Variants in USH2A observed in about 807,000 individuals in gnomAD.
The protein encoded by USH2A is Usher syndrome 2A (autosomal recessive, mild).
Under a neutral mutation model 538.9 loss-of-function variants are expected in USH2A, and 443 were observed. The observed-to-expected ratio is 0.82, with a 90% CI of 0.76 to 0.89. The LOEUF (loss-of-function observed/expected upper bound fraction) is 0.89, where lower values mean the gene tolerates loss of function less well. Ranked by LOEUF, USH2A falls within the 40% of genes least tolerant of loss-of-function variation. The pLI, the probability that USH2A is intolerant of heterozygous loss-of-function variation, is 0.00. For synonymous variants in USH2A, 2,413 were observed against 2,273.5 expected (o/e 1.06, Z -1.75); for missense variants, 6,633 against 6,324.8 (o/e 1.05, Z -1.65).
At chr1:216,133,618 G>A (rs1031486518) in intron 21 of USH2A, among the ~76,000 whole-genome samples, 7 of 151,998 alleles carry the variant, frequency 4.6e-5, no homozygotes, top group African/African-American at 1.7e-4. Context: ...ATTTAGCTCC[G>A]ACATGGAAAT....
At chr1:215,708,541 G>C (rs1031713828) in intron 61 of USH2A, among the ~76,000 whole-genome samples, 1 of 152,190 alleles carries the variant, frequency 6.6e-6, no homozygotes, top group African/African-American at 2.4e-5. Flanking sequence ...TCCATGGAAG[G>C]GGGAGGTGGG....
At chr1:216,167,193 T>C (rs962582082) in intron 21 of USH2A, among the ~76,000 whole-genome samples, 1 of 152,076 alleles carries the variant, frequency 6.6e-6, no homozygotes, top group Non-Finnish European at 1.5e-5. Context: ...AGTGTTACAG[T>C]TGGCAGTTAG....
intron 58 of USH2A, among the ~76,000 whole-genome samples, chr1:215,756,710 A>C (rs1660804087): frequency 6.6e-6 from 1 of 152,004 alleles, no homozygotes; most frequent in Non-Finnish European, 1.5e-5. Context: ...CGGATCATGA[A>C]GTCAGGAGTT....
chr1:216,351,120 G>C (rs2038275496), intron 4 of USH2A, among the ~76,000 whole-genome samples: 1 of 152,022 alleles, frequency 6.6e-6, no homozygotes, highest in South Asian at 2.1e-4. Context: ...CTGGATCCTG[G>C]GGTATATCAG....
chr1:215,721,129 C>T (rs1659644673), intron 61 of USH2A, among the ~76,000 whole-genome samples: 2 of 152,082 alleles, frequency 1.3e-5, no homozygotes, highest in South Asian at 4.1e-4. Flanking sequence ...GGCTGGAATG[C>T]AATGGTGCAA....
intron 21 of USH2A, among the ~76,000 whole-genome samples, chr1:216,104,614 C>G (rs1310277554): frequency 6.6e-6 from 1 of 152,024 alleles, no homozygotes; most frequent in Non-Finnish European, 1.5e-5. Context: ...AACTGGCTAG[C>G]CATATGTAGA....
intron 48 of USH2A, 92 bp downstream of exon 48, chr1:215,816,905 T>A: frequency 7.6e-7 from 1 of 1,320,198 alleles, no homozygotes; most frequent in Non-Finnish European, 1.1e-6. Context: ...GAAATATTGA[T>A]CATAATACAT....
intron 35 of USH2A, among the ~76,000 whole-genome samples, chr1:215,983,222 A>G (rs1009342620): frequency 2.6e-5 from 4 of 152,158 alleles, no homozygotes; most frequent in African/African-American, 9.7e-5. Context: ...TCAGCCTCCC[A>G]AAGTGCTGGA....
chr1:215,672,134 G>T (rs544583784), intron 63 of USH2A, among the ~76,000 whole-genome samples: 2 of 152,248 alleles, frequency 1.3e-5, no homozygotes, highest in South Asian at 2.1e-4. Flanking sequence ...CCAACAAAAT[G>T]AGTTTTTGTG....
intron 61 of USH2A, among the ~76,000 whole-genome samples, chr1:215,694,522 G>A (rs553324455): frequency 4.1e-4 from 62 of 152,264 alleles, no homozygotes; most frequent in African/African-American, 1.5e-3. Context: ...ACGGTTAGCC[G>A]AGATCACGCC....
chr1:216,114,242 G>A (rs1184461226), intron 21 of USH2A, among the ~76,000 whole-genome samples: 2 of 151,646 alleles, frequency 1.3e-5, no homozygotes, highest in East Asian at 1.9e-4. Flanking sequence ...CCATCTTATT[G>A]TACTTCTGTT....
At chr1:215,977,172 C>A (rs1187292906) in intron 35 of USH2A, among the ~76,000 whole-genome samples, 2 of 151,842 alleles carry the variant, frequency 1.3e-5, no homozygotes, top group Admixed American at 6.6e-5. Context: ...GAAATTAAAA[C>A]CCTTAACAGA....
chr1:216,326,146 G>T (rs1470801104), intron 5 of USH2A, among the ~76,000 whole-genome samples: 1 of 152,204 alleles, frequency 6.6e-6, no homozygotes, highest in Non-Finnish European at 1.5e-5. Flanking sequence ...ATCCTGTAAT[G>T]CTTCATTGGC....
At chr1:215,697,290 T>C (rs1658848995) in intron 61 of USH2A, among the ~76,000 whole-genome samples, 1 of 152,150 alleles carries the variant, frequency 6.6e-6, no homozygotes, top group East Asian at 1.9e-4. Context: ...GACGATAACA[T>C]GGCTAAAGAT....
intron 35 of USH2A, among the ~76,000 whole-genome samples, chr1:215,971,558 C>T (rs1667495137): frequency 6.6e-6 from 1 of 152,006 alleles, no homozygotes; most frequent in Non-Finnish European, 1.5e-5. Context: ...AAGTTCAAGA[C>T]CAGCCTGGGC....
chr1:215,863,117 G>A (rs1664364176), intron 44 of USH2A, among the ~76,000 whole-genome samples: 1 of 152,150 alleles, frequency 6.6e-6, no homozygotes, highest in African/African-American at 2.4e-5. Context: ...ATTATAGTCA[G>A]TAAGGGATCA....
Position 215,674,224 on chromosome 1 carries a change from T to C in USH2A, c.13687A>G (p.Ile4563Val), listed in dbSNP as rs1657917280. ...TCACGGATGAAGAGGGTATAATTGA[T>C]GATATCACCATTTGTTCTCACTGGA... is the stretch of plus-strand genomic sequence containing the variant. Reference protein sequence around the residue: ...DPPVRTNGDIINYTLFIRELF... With the variant: ...DPPVRTNGDIVNYTLFIRELF... The change falls in exon 63 of 72, where the codon ATC (isoleucine) becomes GTC (valine). Residue 4563 changes from isoleucine to valine, a missense_variant. Coordinates refer to ENST00000307340, the MANE Select transcript of USH2A (RefSeq NM_206933.4). The C allele has an allele frequency of 6.2e-7, 1 of 1,614,168 alleles. No individual in the cohort carries two copies. Among genetic ancestry groups the C allele is most frequent in the Non-Finnish European group, 8.5e-7 (1 of 1,180,014 alleles).
chr1:216,310,589 G>T (rs1186257829), intron 9 of USH2A, among the ~76,000 whole-genome samples: 1 of 152,008 alleles, frequency 6.6e-6, no homozygotes, highest in Non-Finnish European at 1.5e-5. Context: ...CAAGCTCACT[G>T]ATTCTTTCCT....
At chr1:216,287,451 T>C (rs1472089958) in intron 11 of USH2A, among the ~76,000 whole-genome samples, 1 of 152,180 alleles carries the variant, frequency 6.6e-6, no homozygotes, top group Non-Finnish European at 1.5e-5. Flanking sequence ...CACTGGCTCA[T>C]AAGAGCAGAT....
Sources: gnomAD v4.1 joint callset for allele counts (sites outside exome capture counted in the v4.1 genomes callset) on GRCh38, gnomAD v4.1.1 for gene constraint, MANE v1.5 for transcripts, NCBI Gene and HGNC (gene_info 2026-07-23, HGNC 2026-07-21) for gene names.